Variants in PRR5 observed in about 807,000 individuals in gnomAD.
PRR5 encodes the protein proline rich 5.
A neutral mutation model predicts 30.6 loss-of-function variants in PRR5; 25 were observed. The ratio of observed to expected loss-of-function variants is 0.82; its 90% confidence interval spans 0.60 to 1.14. The LOEUF (loss-of-function observed/expected upper bound fraction) is 1.14, where lower values mean the gene tolerates loss of function less well. Among genes scored for constraint, PRR5 ranks in the 50% most tolerant of loss-of-function variants. The probability of loss-of-function intolerance (pLI) is 0.00; values close to 1 mark genes in which losing one functional copy is unlikely to be tolerated. For synonymous variants in PRR5, 286 were observed against 247.1 expected (o/e 1.16, Z -1.48); for missense variants, 600 against 547.1 (o/e 1.10, Z -0.96).
intron 1 of PRR5, among the ~76,000 whole-genome samples, chr22:44,694,420 C>A (rs1925563131): frequency 6.6e-6 from 1 of 152,170 alleles, no homozygotes; most frequent in South Asian, 2.1e-4. Context: ...TGCCTCCCAG[C>A]TACACGGGAG....
At chr22:44,695,923 C>CTTTTTTTTTTTT (rs79228617) in intron 1 of PRR5, among the ~76,000 whole-genome samples, 5 of 73,344 alleles carry the variant, frequency 6.8e-5, no homozygotes, top group Non-Finnish European at 9.5e-5. Context: ...ATTCTGACAA[C>CTTTTTTTTTTTT]TTTTTTTTTT....
chr22:44,707,134 C>T (rs893300023), intron 1 of PRR5, among the ~76,000 whole-genome samples: 2 of 152,242 alleles, frequency 1.3e-5, no homozygotes, highest in Non-Finnish European at 2.9e-5. Flanking sequence ...GCCCCTGTCC[C>T]TGTTCCCTGC....
chr22:44,714,798 T>A, intron 2 of PRR5, 127 bp downstream of exon 2: 1 of 1,273,470 alleles, frequency 7.9e-7, no homozygotes, highest in Non-Finnish European at 1.1e-6. Flanking sequence ...AGAGGCCATC[T>A]GTCAACAGGA....
chr22:44,721,838 C>A (rs1929985980), intron 2 of PRR5, among the ~76,000 whole-genome samples: 1 of 152,264 alleles, frequency 6.6e-6, no homozygotes, highest in Non-Finnish European at 1.5e-5. Flanking sequence ...ACTTGCTGAG[C>A]AGACGCCCTC....
At chr22:44,723,546 CCT>C (rs1930256659) in intron 2 of PRR5, among the ~76,000 whole-genome samples, 1 of 151,920 alleles carries the variant, frequency 6.6e-6, no homozygotes, top group Admixed American at 6.6e-5. Flanking sequence ...ATGGTGAAAC[CCT>C]GTCTCTACTA....
At chr22:44,710,720 G>A (rs892996927) in intron 1 of PRR5, among the ~76,000 whole-genome samples, 61 of 152,254 alleles carry the variant, frequency 4.0e-4, no homozygotes, top group African/African-American at 1.3e-3. Context: ...GTGTGGGGGA[G>A]GGGCCTCTGC....
chr22:44,692,396 G>A (rs954604832), intron 1 of PRR5, among the ~76,000 whole-genome samples: 9 of 121,902 alleles, frequency 7.4e-5, no homozygotes, highest in Admixed American at 3.3e-4. Context: ...CTCCACCTTA[G>A]CTCCTCCACC....
At chr22:44,669,881 C>G (rs5764956) in intron 1 of PRR5, among the ~76,000 whole-genome samples, 37,997 of 152,020 alleles carry the variant, frequency 0.25, 4,907 homozygotes, top group Middle Eastern at 0.4. Context: ...GGGCGCCTCC[C>G]TGTGGCCCCT....
chr22:44,681,444 T>G (rs1924274637), intron 1 of PRR5, among the ~76,000 whole-genome samples: 1 of 152,134 alleles, frequency 6.6e-6, no homozygotes, highest in African/African-American at 2.4e-5. Flanking sequence ...AAAAATTAGC[T>G]GGGCATGATG....
chr22:44,723,016 C>T (rs941727491), intron 2 of PRR5, among the ~76,000 whole-genome samples: 10 of 150,396 alleles, frequency 6.6e-5, no homozygotes, highest in Admixed American at 4.6e-4. Context: ...GACAGAGACT[C>T]GCTCTGTCAC....
rs191345375 is a variant in PRR5, at chr22:44,691,442, C to T, written c.-10-11050C>T. On this transcript the variant is annotated intron_variant, in intron 1 of 8. Transcript: ENST00000006251. This position sits in a 1 kb window ranked among gnomAD's most constrained non-coding sequence, Gnocchi z 4.4. ...TGGGGACCCTGCCCTAGACTCAGTG[C>T]CCCTGGCACGCCTGGAGCTGACTCC... Among the ~76,000 whole-genome samples, 4 of 152,264 alleles carry T rather than the reference C, an allele frequency of 2.6e-5. No homozygotes were observed. The East Asian group carries it at 7.7e-4, about 29-fold the overall frequency.
chr22:44,670,959 C>G (rs1285505693), intron 1 of PRR5, among the ~76,000 whole-genome samples: 1 of 152,186 alleles, frequency 6.6e-6, no homozygotes, highest in Non-Finnish European at 1.5e-5. Context: ...TCGTGAGACT[C>G]CCATAGAGGA....
intron 6 of PRR5, chr22:44,734,124 T>C (rs1387290403): frequency 3.3e-5 from 5 of 152,076 alleles, no homozygotes; most frequent in Non-Finnish European, 2.9e-5. Context: ...ATACAAAAAT[T>C]AGCCGGGCAT....
chr22:44,677,666 A>G (rs1003508642), intron 1 of PRR5, among the ~76,000 whole-genome samples: 20 of 152,262 alleles, frequency 1.3e-4, no homozygotes, highest in African/African-American at 4.8e-4. Context: ...GACATGTCAG[A>G]TGGACCTTCC....
chr22:44,730,105 C>T (rs1407191775), intron 4 of PRR5: 1 of 985,178 alleles, frequency 1.0e-6, no homozygotes, highest in Non-Finnish European at 1.2e-6. Flanking sequence ...CCAGGGCTGC[C>T]CCTGGCGGGG....
chr22:44,734,375 T>C (rs1359963458), intron 6 of PRR5: 1 of 152,322 alleles, frequency 6.6e-6, no homozygotes, highest in Non-Finnish European at 1.5e-5. Flanking sequence ...GTGCAAGCAC[T>C]CGTTATAAGT....
rs369549687 is a variant in PRR5 at position 44,737,104 on chromosome 22, C to T, written c.1024C>T (p.Arg342Cys). The stretch of plus-strand genomic sequence containing the variant: ...GGATCCCACCCGCAGCTCCCTGCCC[C>T]GCTCCAGCCCGGAGAACCTGGTGGA... ...GLDPTRSSLP[R>C]SSPENLVDQI... Residue 342 changes from arginine to cysteine, a missense_variant, in exon 8 of 8, where the codon CGC becomes TGC. Arg to Cys is a radical substitution (Grantham distance 180). Coordinates refer to ENST00000336985, the MANE Select transcript of PRR5 (RefSeq NM_181333.4). The T allele has an allele frequency of 1.8e-5, 29 of 1,612,234 alleles. No homozygotes were observed. The Admixed American group carries it at 2.0e-4, about 11-fold the overall frequency.
chr22:44,682,240 A>G (rs925488387), intron 1 of PRR5, among the ~76,000 whole-genome samples: 3 of 152,246 alleles, frequency 2.0e-5, no homozygotes, highest in Non-Finnish European at 4.4e-5. Context: ...AGTGCCGGGC[A>G]GATTATGGGA....
At chr22:44,717,074 AT>A (rs1028496718) in intron 2 of PRR5, among the ~76,000 whole-genome samples, 13 of 152,184 alleles carry the variant, frequency 8.5e-5, no homozygotes, top group Admixed American at 6.5e-4. Context: ...AGAAAAAAAA[AT>A]GAAAGGATTT....
Sources: gnomAD v4.1 joint callset for allele counts (sites outside exome capture counted in the v4.1 genomes callset) on GRCh38, gnomAD v4.1.1 for gene constraint, Gnocchi (gnomAD v3.1) non-coding constraint, MANE v1.5 for transcripts, NCBI Gene and HGNC (gene_info 2026-07-23, HGNC 2026-07-21) for gene names.